The following PLCL2 variants were observed in gnomAD, a reference collection of about 807,000 sequenced individuals.
PLCL2 encodes inactive phospholipase C-like protein 2.
A neutral mutation model predicts 79.6 loss-of-function variants in PLCL2; 4 were observed. That is an observed-to-expected ratio of 0.05 (90% CI 0.02 to 0.11). The LOEUF is 0.11. Ranked by LOEUF, PLCL2 falls within the 10% of genes least tolerant of loss-of-function variation. The probability of loss-of-function intolerance (pLI) is 1.00; values close to 1 mark genes in which losing one functional copy is unlikely to be tolerated. For missense variants in PLCL2, 895 were observed against 1,291.0 expected (o/e 0.69, Z 4.70); for synonymous variants, 484 against 457.7 (o/e 1.06, Z -0.73).
chr3:16,896,968 A>G (rs1388747484), intron 1 of PLCL2, among the ~76,000 whole-genome samples: 2 of 152,162 alleles, frequency 1.3e-5, no homozygotes, highest in Non-Finnish European at 2.9e-5. Context: ...CAGGGTTAAC[A>G]ACAGCTGTGA....
intron 1 of PLCL2, among the ~76,000 whole-genome samples, chr3:16,977,149 A>T (rs747906898): frequency 1.3e-5 from 2 of 152,222 alleles, no homozygotes; most frequent in Non-Finnish European, 2.9e-5. Context: ...ATACGTATAT[A>T]TACACACATA....
At chr3:17,042,347 TA>T (rs959119061) in intron 3 of PLCL2, among the ~76,000 whole-genome samples, 2 of 152,192 alleles carry the variant, frequency 1.3e-5, no homozygotes, top group Non-Finnish European at 2.9e-5. Flanking sequence ...AATAGGAACA[TA>T]AAAATACTAG....
chr3:17,016,507 G>C (rs978248611), intron 3 of PLCL2, among the ~76,000 whole-genome samples: 1 of 152,154 alleles, frequency 6.6e-6, no homozygotes, highest in East Asian at 1.9e-4. Context: ...CTCAGGTGCT[G>C]AGTGCCACTG....
chr3:17,022,984 C>T lies in PLCL2; in HGVS notation c.3018+8073C>T, dbSNP rs10084658. Among the ~76,000 whole-genome samples the T allele has an allele frequency of 2.3e-3, 343 of 152,300 alleles. 1 individual carries two copies. The highest frequency in any genetic ancestry group is 7.7e-3 in the African/African-American group (321 of 41,578). ...TCTCTCTGACTTTCTCTCTTTCCCC[C>T]TCTTCCTTCACAAAGTGGCCAGTGG... On this transcript the variant is annotated intron_variant, in intron 3 of 5. Coordinates refer to ENST00000615277, the MANE Select transcript of PLCL2 (RefSeq NM_001144382.2).
intron 1 of PLCL2, among the ~76,000 whole-genome samples, chr3:16,950,990 T>C (rs562074390): frequency 1.3e-5 from 2 of 152,120 alleles, no homozygotes; most frequent in Non-Finnish European, 2.9e-5. Context: ...GGTTTGTGTA[T>C]GAGGGCTATG....
chr3:17,052,510 T>C (rs530445333), intron 4 of PLCL2, among the ~76,000 whole-genome samples: 1 of 152,178 alleles, frequency 6.6e-6, no homozygotes, highest in Non-Finnish European at 1.5e-5. Context: ...ATACTGGCAC[T>C]GAAACTAAAG....
chr3:16,962,068 C>A (rs1190029262), intron 1 of PLCL2, among the ~76,000 whole-genome samples: 2 of 152,130 alleles, frequency 1.3e-5, no homozygotes, highest in African/African-American at 2.4e-5. Flanking sequence ...TATGGGGAAG[C>A]TCAGGGAGCA....
In PLCL2 at chr3:16,939,908, G is replaced by A. The variant is rs140334381; in HGVS notation, c.327+54542G>A. On this transcript the variant is annotated intron_variant, in intron 1 of 5. Transcript: ENST00000615277. Reference sequence around the variant, plus strand: ...TTTCCTTCCGGGCATTGGGGGAACAGAGGGAAGACCCAGGCACATGAGTGG... The same window carrying A: ...TTTCCTTCCGGGCATTGGGGGAACAAAGGGAAGACCCAGGCACATGAGTGG... Among the ~76,000 whole-genome samples, 25 of 152,334 alleles carry A rather than the reference G, an allele frequency of 1.6e-4. 1 individual carries two copies. The East Asian group carries it at 4.8e-3, about 29-fold the overall frequency.
At chr3:17,017,681 A>G (rs1342571201) in intron 3 of PLCL2, among the ~76,000 whole-genome samples, 1 of 152,186 alleles carries the variant, frequency 6.6e-6, no homozygotes, top group Non-Finnish European at 1.5e-5. Context: ...AGGCAAGTTG[A>G]GAAACTCCTC....
In PLCL2 at chr3:16,892,869, G is replaced by A. The variant is rs534573842; in HGVS notation, c.327+7503G>A. Among the ~76,000 whole-genome samples the A allele has an allele frequency of 2.6e-4, 39 of 152,308 alleles. No homozygotes were observed. The South Asian group carries it at 8.1e-3, about 32-fold the overall frequency. The stretch of plus-strand genomic sequence containing the variant: ...AAGCAAGGTTAGAGAGGCTGTAAGA[G>A]GCAAAGCCAGCATTCTGACCAGGTT... On this transcript the variant is annotated intron_variant, in intron 1 of 5. Transcript: ENST00000615277.
At chr3:16,944,450 T>G (rs2063582365) in intron 1 of PLCL2, among the ~76,000 whole-genome samples, 1 of 151,738 alleles carries the variant, frequency 6.6e-6, no homozygotes. Flanking sequence ...TTTTAACCCT[T>G]AGTGCCTCAG....
chr3:16,989,991 A>G (rs2064087659), intron 1 of PLCL2, among the ~76,000 whole-genome samples: 1 of 152,228 alleles, frequency 6.6e-6, no homozygotes, highest in Admixed American at 6.5e-5. Context: ...TGCCTGAAGC[A>G]TGTAAAGATG....
chr3:16,888,037 C>A (rs1208077695), intron 1 of PLCL2, among the ~76,000 whole-genome samples: 2 of 152,090 alleles, frequency 1.3e-5, no homozygotes, highest in Admixed American at 1.3e-4. Context: ...AGTTGAAATG[C>A]TGGGCTTCTG....
chr3:16,959,634 T>A (rs566418112), intron 1 of PLCL2, among the ~76,000 whole-genome samples: 1 of 152,242 alleles, frequency 6.6e-6, no homozygotes, highest in Admixed American at 6.5e-5. Context: ...ATGTTCCCCC[T>A]TGGAGAGTTC....
chr3:17,089,704 A>T (rs757548015), intron 5 of PLCL2, 29 bp from the exon 6 acceptor site: 4 of 1,314,108 alleles, frequency 3.0e-6, no homozygotes, highest in Non-Finnish European at 3.3e-6. Flanking sequence ...GTCATATCTA[A>T]TACTGTTTAA....
intron 1 of PLCL2, among the ~76,000 whole-genome samples, chr3:16,974,564 G>T (rs762727622): frequency 1.1e-4 from 16 of 152,304 alleles, no homozygotes; most frequent in Non-Finnish European, 1.8e-4. Context: ...GTGCCTTTGA[G>T]ACTAACAAAA....
intron 4 of PLCL2, among the ~76,000 whole-genome samples, chr3:17,061,270 T>C (rs982310545): frequency 2.7e-4 from 41 of 152,244 alleles, no homozygotes; most frequent in African/African-American, 9.9e-4. Context: ...AAGCCTCTTT[T>C]TGATATCTTT....
chr3:17,079,762 CTT>C (rs1172430001), intron 5 of PLCL2, among the ~76,000 whole-genome samples: 2 of 152,182 alleles, frequency 1.3e-5, no homozygotes, highest in Non-Finnish European at 2.9e-5. Flanking sequence ...AAATTATTAA[CTT>C]TTGTACAAAC....
chr3:16,918,260 T>C (rs909750107), intron 1 of PLCL2, among the ~76,000 whole-genome samples: 2 of 152,180 alleles, frequency 1.3e-5, no homozygotes, highest in African/African-American at 2.4e-5. Context: ...AGAGAGATGT[T>C]AAAACAATAG....
Sources: gnomAD v4.1 joint callset for allele counts (sites outside exome capture counted in the v4.1 genomes callset) on GRCh38, gnomAD v4.1.1 for gene constraint, MANE v1.5 for transcripts, NCBI Gene and HGNC (gene_info 2026-07-23, HGNC 2026-07-21) for gene names.